Variants in ITIH4 observed in about 807,000 individuals in gnomAD.
The protein encoded by ITIH4 is inter-alpha-trypsin inhibitor heavy chain H4.
ITIH4 carries 79 observed loss-of-function variants against 111.8 expected under a neutral mutation model. That is an observed-to-expected ratio of 0.71 (90% CI 0.59 to 0.85). The LOEUF (loss-of-function observed/expected upper bound fraction) is 0.85, where lower values mean the gene tolerates loss of function less well. Among genes scored for constraint, ITIH4 ranks in the 40% least tolerant of loss-of-function variants. The pLI is 0.00. For synonymous variants in ITIH4, 472 were observed against 468.3 expected (o/e 1.01, Z -0.10); for missense variants, 1,065 against 1,195.8 (o/e 0.89, Z 1.61).
intron 16 of ITIH4, 80 bp from the exon 17 acceptor site, chr3:52,819,598 A>G: frequency 1.9e-6 from 3 of 1,599,006 alleles, no homozygotes; most frequent in Non-Finnish European, 2.6e-6. Flanking sequence ...TCCACCCAGG[A>G]GTGGGTGCGG....
At chr3:52,819,309 G>A in intron 17 of ITIH4, 84 bp downstream of exon 17, 2 of 1,534,602 alleles carry the variant, frequency 1.3e-6, no homozygotes, top group East Asian at 2.3e-5. Context: ...TGTGGTGCGT[G>A]CTTTACCCCA....
rs1473524187 is a variant in ITIH4, at chr3:52,826,990, C to T, written c.357-37G>A. ...GGGCATCAGGCCTGCTCCTCCAGGA[C>T]AGGTGGGGTAAGGCTGGTAGAGGTG... On this transcript the variant is annotated intron_variant, in intron 3 of 23. Coordinates refer to ENST00000266041, the MANE Select transcript of ITIH4 (RefSeq NM_002218.5). The T allele has an allele frequency of 1.9e-6, 3 of 1,613,512 alleles. No individual in the cohort carries two copies. In the African/African-American group the frequency reaches 4.0e-5, roughly 22 times the overall value.
Position 52,823,578 on chromosome 3 carries a change from G to T in ITIH4, c.1517C>A (p.Thr506Lys), listed in dbSNP as rs749844636. The T allele has an allele frequency of 1.2e-6, 2 of 1,611,244 alleles. No individual in the cohort carries two copies. Among genetic ancestry groups the T allele is most frequent in the Admixed American group, 3.4e-5 (2 of 59,618 alleles). ...KLQDRGPDVL[T>K]ATVSGKLPTQ... is the part of the protein sequence containing the mutation. ...CACCAGCTTCCCACTGACTGTGGCTGTGAGCACATCAGGCCCCCGGTCCTG... is the reference window on the plus strand; with the variant it reads ...CACCAGCTTCCCACTGACTGTGGCTTTGAGCACATCAGGCCCCCGGTCCTG... Residue 506 changes from threonine (T) to lysine (K), a missense_variant, in exon 11 of 24, where the codon ACA becomes AAA. Transcript: ENST00000266041.
intron 2 of ITIH4, among the ~76,000 whole-genome samples, chr3:52,828,769 T>G (rs1700522591): frequency 6.6e-6 from 1 of 152,190 alleles, no homozygotes. Context: ...TTTTCTGTAC[T>G]TTGAGCTGGA....
In ITIH4 at chr3:52,829,107, G is replaced by GCA; in HGVS notation, c.251+11_251+12insTG. 2.4e-6 allele frequency: 2 copies of GCA among 834,974 alleles called. No individual in the cohort carries two copies. The highest frequency in any genetic ancestry group is 3.8e-6 in the Non-Finnish European group (2 of 522,496). The allele number at this position is 834,974 out of a possible 1,614,324, so 51.7% of individuals were successfully genotyped here. A position where few individuals can be genotyped will look rare whatever the true frequency, so the allele number is the denominator to read the frequency against. On this transcript the variant is annotated intron_variant, in intron 2 of 23. Transcript: ENST00000266041. Reference sequence around the variant, plus strand: ...GGGTGTGGAGAGGGGAGGAGGGTGGGAAGGCACCTACATGGAGAAGTTGGT... The same window carrying GCA: ...GGGTGTGGAGAGGGGAGGAGGGTGGGCAAAGGCACCTACATGGAGAAGTTGGT...
intron 17 of ITIH4, chr3:52,818,926 T>G: frequency 3.4e-6 from 1 of 294,054 alleles, no homozygotes; most frequent in Non-Finnish European, 6.4e-6. Context: ...ATACACTGGG[T>G]AGTGGGGAGA....
intron 5 of ITIH4, 115 bp from the exon 6 acceptor site, chr3:52,826,129 G>T: frequency 7.2e-7 from 1 of 1,390,550 alleles, no homozygotes; most frequent in East Asian, 2.4e-5. Context: ...CCTTGGGTCC[G>T]TATTCCAGGG....
At chr3:52,819,598 A>T in intron 16 of ITIH4, 80 bp from the exon 17 acceptor site, 1 of 1,599,006 alleles carries the variant, frequency 6.3e-7, no homozygotes, top group Non-Finnish European at 8.6e-7. Context: ...TCCACCCAGG[A>T]GTGGGTGCGG....
At chr3:52,819,553 G>C (rs757038542) in intron 16 of ITIH4, 35 bp from the exon 17 acceptor site, 1 of 1,613,566 alleles carries the variant, frequency 6.2e-7, no homozygotes, top group Non-Finnish European at 8.5e-7. Flanking sequence ...TCTTCTCTCA[G>C]GTGGGGTGTG....
chr3:52,816,792 G>GT (rs1700283752), intron 21 of ITIH4, 92 bp downstream of exon 21: 1 of 1,235,610 alleles, frequency 8.1e-7, no homozygotes, highest in African/African-American at 1.5e-5. Context: ...TCCATTCTCA[G>GT]GTCCATGGCC....
rs754802041 is a variant in ITIH4, at chr3:52,814,246, G to A, written c.2589C>T (p.Asp863=). The A allele has an allele frequency of 3.1e-6, 5 of 1,613,580 alleles. No individual in the cohort carries two copies. The highest frequency in any genetic ancestry group is 3.4e-6 in the Non-Finnish European group (4 of 1,180,004). The part of the protein sequence containing the change: ...RGEGLRLLLR[D]TDRFSSHVGG... ...CAACGTGGCTGGAGAAGCGGTCAGT[G>A]TCACGCAGAAGGAGCCGGAGCCCCT... Residue 863 remains aspartate (D), a synonymous_variant, in exon 22 of 24, where the codon GAC becomes GAT. Coordinates refer to ENST00000266041, the MANE Select transcript of ITIH4 (RefSeq NM_002218.5).
intron 21 of ITIH4, among the ~76,000 whole-genome samples, chr3:52,816,148 G>C (rs941144039): frequency 6.6e-6 from 1 of 152,204 alleles, no homozygotes; most frequent in Non-Finnish European, 1.5e-5. Context: ...CACAGGGTGG[G>C]GGCTTGGAGG....
Position 52,824,390 on chromosome 3 carries a change from CACTT to C in ITIH4, c.1045+3_1045+6del. 5.0e-6 allele frequency: 8 copies of C among 1,613,936 alleles called. No homozygotes were observed. The highest frequency in any genetic ancestry group is 6.8e-6 in the Non-Finnish European group (8 of 1,179,876). On this transcript the variant is annotated splice_donor_5th_base_variant and intron_variant, in intron 8 of 23. Coordinates refer to ENST00000266041, the MANE Select transcript of ITIH4 (RefSeq NM_002218.5). This position sits in a 1 kb window ranked among gnomAD's most constrained non-coding sequence, Gnocchi z 4.3. Reference sequence around the variant, plus strand: ...CCCCCACCCTGCAGGGCCACAGAGACACTTACCTCCCAGGGCCTGGATGCCCGCA... The same window carrying C: ...CCCCCACCCTGCAGGGCCACAGAGACACCTCCCAGGGCCTGGATGCCCGCA...
Position 52,820,698 on chromosome 3 carries a change from T to A in ITIH4, c.1767A>T (p.Thr589=). ...CATCGGGTTTGGTGACTACCATAGA[T>A]GTGAGAGGCGTGACAAAGCTGTAGG... ...SLAYSFVTPL[T]SMVVTKPDDQ... The change falls in exon 13 of 24, where the codon ACA becomes ACT. Residue 589 remains threonine, a synonymous_variant. Coordinates refer to ENST00000266041, the MANE Select transcript of ITIH4 (RefSeq NM_002218.5). The A allele has an allele frequency of 6.2e-7, 1 of 1,614,088 alleles. No homozygotes were observed. Among genetic ancestry groups the A allele is most frequent in the Non-Finnish European group, 8.5e-7 (1 of 1,179,992 alleles).
intron 20 of ITIH4, among the ~76,000 whole-genome samples, chr3:52,817,747 TG>T (rs1700305766): frequency 6.6e-6 from 1 of 152,238 alleles, no homozygotes; most frequent in African/African-American, 2.4e-5. Flanking sequence ...CTGCCATCCC[TG>T]TGTGACCCCA....
At chr3:52,820,167 G>C in intron 14 of ITIH4, 124 bp downstream of exon 14, 2 of 1,392,380 alleles carry the variant, frequency 1.4e-6, no homozygotes, top group Non-Finnish European at 2.0e-6. Context: ...CCTGGCAGCA[G>C]GGATGGGCTG....
In ITIH4 at chr3:52,814,288, G is replaced by A; in HGVS notation, c.2547C>T (p.Phe849=). 1 of 1,614,040 alleles carries A rather than the reference G, an allele frequency of 6.2e-7. No homozygotes were observed. The highest frequency in any genetic ancestry group is 1.1e-5 in the South Asian group (1 of 91,066). The change falls in exon 22 of 24, where the codon TTC becomes TTT. Residue 849 remains phenylalanine, a synonymous_variant. Coordinates refer to ENST00000266041, the MANE Select transcript of ITIH4 (RefSeq NM_002218.5). ...DPDKVTIGLL[F]WDGRGEGLRL... ...GGAGCCCCTCCCCACGGCCATCCCA[G>A]AACAACAGGCCGATGGTCACTTTGT...
In ITIH4 at chr3:52,820,712, C is replaced by A. The variant is rs1387587113; in HGVS notation, c.1753G>T (p.Val585Phe). ...ALNLSLAYSFVTPLTSMVVTK... is the reference protein window; with the variant it reads ...ALNLSLAYSFFTPLTSMVVTK... ...ACTACCATAGATGTGAGAGGCGTGA[C>A]AAAGCTGTAGGCAAGTGATAAATTC... The change falls in exon 13 of 24, where the codon GTC becomes TTC. Residue 585 changes from valine to phenylalanine, a missense_variant. Val to Phe is a conservative substitution (Grantham distance 50). Transcript: ENST00000266041. 1 of 1,614,126 alleles carries A rather than the reference C, an allele frequency of 6.2e-7. No homozygotes were observed. Among genetic ancestry groups the A allele is most frequent in the Non-Finnish European group, 8.5e-7 (1 of 1,180,004 alleles).
In ITIH4 at chr3:52,823,837, C is replaced by A. The variant is rs1559480944; in HGVS notation, c.1339G>T (p.Ala447Ser). Residue 447 changes from alanine (A) to serine (S), a missense_variant, in exon 10 of 24, where the codon GCC (alanine) becomes TCC (serine). By Grantham distance (99) the Ala-to-Ser change is moderately conservative. Transcript: ENST00000266041. ...CACACTGGCACCTGGAGCTGCAGGG[C>A]AGAGTCTGAGTCCTCATGGATGCGC... ...ARRIHEDSDS[A>S]LQLQDFYQEV... 6.2e-7 allele frequency: 1 copy of A among 1,613,936 alleles called. No individual in the cohort carries two copies. The highest frequency in any genetic ancestry group is 8.5e-7 in the Non-Finnish European group (1 of 1,180,000).
Sources: allele counts gnomAD v4.1 joint callset (sites outside exome capture counted in the v4.1 genomes callset), GRCh38; gene constraint gnomAD v4.1.1; non-coding constraint Gnocchi (gnomAD v3.1); transcripts MANE v1.5; gene names NCBI Gene and HGNC (gene_info 2026-07-23, HGNC 2026-07-21).